TTC29: variants seen among roughly 807,000 people sequenced by gnomAD.
TTC29 encodes tetratricopeptide repeat domain 29.
A neutral mutation model predicts 58.1 loss-of-function variants in TTC29; 49 were observed. The ratio of observed to expected loss-of-function variants is 0.84; its 90% CI spans 0.67 to 1.07. The LOEUF (loss-of-function observed/expected upper bound fraction) is 1.07, where lower values mean the gene tolerates loss of function less well. TTC29 is among the 50% of genes least tolerant of loss of function. The pLI is 0.00. For synonymous variants in TTC29, 209 were observed against 196.8 expected (o/e 1.06, Z -0.52); for missense variants, 582 against 555.6 (o/e 1.05, Z -0.48).
chr4:146,921,575 A>G (rs1375860322), intron 4 of TTC29, among the ~76,000 whole-genome samples: 1 of 151,290 alleles, frequency 6.6e-6, no homozygotes, highest in East Asian at 1.9e-4. Flanking sequence ...TTAAAGGAGC[A>G]TAATAATATC....
At chr4:146,780,818 T>C (rs961413331) in intron 11 of TTC29, among the ~76,000 whole-genome samples, 36 of 152,098 alleles carry the variant, frequency 2.4e-4, no homozygotes, top group Admixed American at 2.4e-3. Context: ...GAGTAAATGA[T>C]GGCTGGATTG....
chr4:146,933,261 T>C (rs892774083), intron 4 of TTC29, among the ~76,000 whole-genome samples: 2 of 152,160 alleles, frequency 1.3e-5, no homozygotes, highest in African/African-American at 4.8e-5. Flanking sequence ...ACCAAATATA[T>C]CCTTCTGCAT....
At chr4:146,885,326 C>T (rs1731907356) in intron 6 of TTC29, among the ~76,000 whole-genome samples, 1 of 151,930 alleles carries the variant, frequency 6.6e-6, no homozygotes, top group Admixed American at 6.6e-5. Context: ...ATGAATGAAA[C>T]AATACAGGAA....
At chr4:146,838,515 T>G (rs1728653532) in intron 8 of TTC29, among the ~76,000 whole-genome samples, 1 of 150,924 alleles carries the variant, frequency 6.6e-6, no homozygotes, top group Non-Finnish European at 1.5e-5. Flanking sequence ...GCTTTGACAT[T>G]TTTAAGGAGA....
intron 8 of TTC29, among the ~76,000 whole-genome samples, chr4:146,863,419 C>T (rs1271903088): frequency 6.6e-6 from 1 of 152,128 alleles, no homozygotes; most frequent in Admixed American, 6.5e-5. Context: ...GAAATCTCAT[C>T]CACTCCACAG....
chr4:146,715,832 T>G (rs1742888205), intron 11 of TTC29, among the ~76,000 whole-genome samples: 1 of 152,212 alleles, frequency 6.6e-6, no homozygotes, highest in South Asian at 2.1e-4. Context: ...TTACCCTGAT[T>G]TGATCATTAC....
At chr4:146,811,816 T>A (rs1751044456) in intron 10 of TTC29, among the ~76,000 whole-genome samples, 1 of 152,216 alleles carries the variant, frequency 6.6e-6, no homozygotes, top group South Asian at 2.1e-4. Context: ...ACTTCTGTGA[T>A]CATTTTGTTA....
chr4:146,871,668 A>T (rs1730939744), intron 7 of TTC29, among the ~76,000 whole-genome samples: 1 of 152,016 alleles, frequency 6.6e-6, no homozygotes, highest in African/African-American at 2.4e-5. Context: ...AATAGCATCA[A>T]AAGAATAAAA....
chr4:146,825,355 A>G (rs990077228), intron 9 of TTC29, among the ~76,000 whole-genome samples: 6 of 152,098 alleles, frequency 3.9e-5, no homozygotes, highest in Admixed American at 3.3e-4. Flanking sequence ...TAATTTCGTT[A>G]TTTATCCAGT....
chr4:146,903,195 T>A (rs1579949513), intron 6 of TTC29, among the ~76,000 whole-genome samples: 1 of 152,168 alleles, frequency 6.6e-6, no homozygotes, highest in East Asian at 1.9e-4. Flanking sequence ...GGTTTTCATA[T>A]AAGGGGCATG....
intron 10 of TTC29, among the ~76,000 whole-genome samples, chr4:146,814,402 CAA>C (rs1460884342): frequency 8.8e-6 from 1 of 113,612 alleles, no homozygotes; most frequent in Non-Finnish European, 1.7e-5. Context: ...AGCAACACGA[CAA>C]AACCCTGCTT....
At chr4:146,815,219 T>G (rs1413895601) in intron 10 of TTC29, among the ~76,000 whole-genome samples, 1 of 152,058 alleles carries the variant, frequency 6.6e-6, no homozygotes, top group African/African-American at 2.4e-5. Context: ...CATGAGACAA[T>G]ATAGTGTCAT....
intron 11 of TTC29, among the ~76,000 whole-genome samples, chr4:146,719,551 G>C (rs1743204147): frequency 6.6e-6 from 1 of 152,130 alleles, no homozygotes; most frequent in African/African-American, 2.4e-5. Flanking sequence ...TGATTTATTT[G>C]ACTTTGTGGC....
At chr4:146,805,582 G>A (rs147751377) in intron 10 of TTC29, among the ~76,000 whole-genome samples, 4,126 of 151,888 alleles carry the variant, frequency 0.027, 70 homozygotes, top group Non-Finnish European at 0.043. Flanking sequence ...CAAGAACTTC[G>A]TGAAGCATAC....
chr4:146,791,371 T>C (rs1749436127), intron 11 of TTC29, among the ~76,000 whole-genome samples: 1 of 152,216 alleles, frequency 6.6e-6, no homozygotes, highest in African/African-American at 2.4e-5. Flanking sequence ...ATTATTATCA[T>C]TACATCTGTT....
chr4:146,816,385 C>G (rs1751408331), intron 10 of TTC29, among the ~76,000 whole-genome samples: 1 of 151,974 alleles, frequency 6.6e-6, no homozygotes, highest in Non-Finnish European at 1.5e-5. Context: ...AATAAAAAAT[C>G]AAGGAGAGAG....
chr4:146,845,891 C>T (rs1403994346), intron 8 of TTC29, among the ~76,000 whole-genome samples: 3 of 150,826 alleles, frequency 2.0e-5, no homozygotes, highest in Non-Finnish European at 4.4e-5. Flanking sequence ...AACATATCTA[C>T]TTATTATTTT....
chr4:146,827,640 C>A (rs2150150297), intron 9 of TTC29, among the ~76,000 whole-genome samples: 1 of 152,258 alleles, frequency 6.6e-6, no homozygotes, highest in Admixed American at 6.5e-5. Flanking sequence ...CTGAAGAAAA[C>A]TTTTGTCTCT....
At chr4:146,859,461 T>G (rs1426100757) in intron 8 of TTC29, among the ~76,000 whole-genome samples, 4 of 152,158 alleles carry the variant, frequency 2.6e-5, no homozygotes, top group East Asian at 1.9e-4. Context: ...AAAAAATGAT[T>G]AATGCAAGTG....
Sources: gnomAD v4.1 joint callset for allele counts (sites outside exome capture counted in the v4.1 genomes callset) on GRCh38, gnomAD v4.1.1 for gene constraint, MANE v1.5 for transcripts, NCBI Gene and HGNC (gene_info 2026-07-23, HGNC 2026-07-21) for gene names.